Variants in ZNF665 observed in about 807,000 individuals in gnomAD.
The protein encoded by ZNF665 is zinc finger protein 665.
A neutral mutation model predicts 7.9 loss-of-function variants in ZNF665; 6 were observed. The observed-to-expected ratio is 0.76, with a 90% CI of 0.42 to 1.50. The LOEUF (loss-of-function observed/expected upper bound fraction) is 1.50. Ranked by LOEUF, ZNF665 falls within the 40% of genes most tolerant of loss-of-function variation. ZNF665 has a pLI of 0.01. For missense variants in ZNF665, 819 were observed against 806.7 expected, an observed-to-expected ratio of 1.02 and a Z score of -0.18; for synonymous variants, 242 against 274.5, an observed-to-expected ratio of 0.88 and a Z score of 1.17.
intron 1 of ZNF665, among the ~76,000 whole-genome samples, chr19:53,192,133 ACT>A (rs1469807282): frequency 6.6e-6 from 1 of 151,132 alleles, no homozygotes; most frequent in Non-Finnish European, 1.5e-5. Flanking sequence ...CATTCTTGCA[ACT>A]TGTTTCACCT....
intron 3 of ZNF665, among the ~76,000 whole-genome samples, chr19:53,172,703 T>TAG (rs2090667409): frequency 6.6e-6 from 1 of 151,708 alleles, no homozygotes; most frequent in Non-Finnish European, 1.5e-5. Flanking sequence ...TGCACGCCTG[T>TAG]AGTCCCAGCT....
intron 1 of ZNF665, among the ~76,000 whole-genome samples, chr19:53,189,059 G>GTGTC (rs776863114): frequency 5.1e-4 from 76 of 150,446 alleles, no homozygotes; most frequent in East Asian, 3.1e-3. Flanking sequence ...TTCTGTGTGT[G>GTGTC]TGTGTGTGTG....
intron 3 of ZNF665, among the ~76,000 whole-genome samples, chr19:53,170,917 A>C (rs2090652275): frequency 6.6e-6 from 1 of 152,154 alleles, no homozygotes; most frequent in African/African-American, 2.4e-5. Flanking sequence ...ATAAACATAT[A>C]ATGTCGATTA....
chr19:53,179,491 A>AGGCT (rs1415610733), intron 2 of ZNF665: 11 of 147,434 alleles, frequency 7.5e-5, no homozygotes, highest in Non-Finnish European at 1.5e-4. Context: ...TTTGTCACCC[A>AGGCT]GGCTGGAGTG....
chr19:53,183,550 G>A (rs1196084687), intron 1 of ZNF665, among the ~76,000 whole-genome samples: 2 of 151,730 alleles, frequency 1.3e-5, no homozygotes, highest in Non-Finnish European at 2.9e-5. Context: ...TTCCCTGGGG[G>A]CCTTGTCATC....
Position 53,162,844 on chromosome 19 carries a change from C to T in ZNF665, c.*1609G>A, listed in dbSNP as rs1199076221. 1 of 123,094 alleles carries T rather than the reference C, an allele frequency of 8.1e-6. No homozygotes were observed. The highest frequency in any genetic ancestry group is 1.8e-5 in the Non-Finnish European group (1 of 56,100). 7.6% of individuals were successfully genotyped at this position (123,094 alleles called of 1,614,324 possible). ...CTCCAGCCTGGGCAACAGAACAAGA[C>T]TCCATCTCAAAAAAAAAAAAAAAAA... On this transcript the variant is annotated 3_prime_UTR_variant, in exon 4 of 4. Coordinates refer to ENST00000396424, the MANE Select transcript of ZNF665 (RefSeq NM_024733.5).
In ZNF665 at chr19:53,175,477, ATGACGTCCC is replaced by A. The variant is rs1568660701; in HGVS notation, c.101_109del (p.Arg34_Val36del). The A allele has an allele frequency of 6.2e-7, 1 of 1,612,476 alleles. No homozygotes were observed. The highest frequency in any genetic ancestry group is 1.7e-5 in the Admixed American group (1 of 59,538). ...GACCAGGTTCCTATAATTCTCCAAC[ATGACGTCCC>A]TGTACAAAGTCTTCTGAGCAGGGTC... On this transcript the variant is annotated inframe_deletion, in exon 3 of 4. Coordinates refer to ENST00000396424, the MANE Select transcript of ZNF665 (RefSeq NM_024733.5).
chr19:53,185,427 T>C (rs944135107), intron 1 of ZNF665, among the ~76,000 whole-genome samples: 9 of 152,110 alleles, frequency 5.9e-5, no homozygotes, highest in Non-Finnish European at 1.2e-4. Context: ...TGGCTTTTCC[T>C]AGGCTATGAT....
chr19:53,167,508 G>A (rs78705505), intron 3 of ZNF665, among the ~76,000 whole-genome samples: 75,751 of 148,528 alleles, frequency 0.51, 21,991 homozygotes, highest in South Asian at 0.71. Context: ...AGGCAGTGGC[G>A]CGATCTCGGC....
intron 1 of ZNF665, among the ~76,000 whole-genome samples, chr19:53,188,958 A>G (rs538147029): frequency 6.6e-6 from 1 of 152,100 alleles, no homozygotes; most frequent in African/African-American, 2.4e-5. Flanking sequence ...TCAGCCTCCC[A>G]AAGTGCTGGG....
At chr19:53,175,594 C>A in intron 2 of ZNF665, 23 bp from the exon 3 acceptor site, 1 of 1,580,560 alleles carries the variant, frequency 6.3e-7, no homozygotes, top group African/African-American at 1.4e-5. Flanking sequence ...ACACATTTCA[C>A]CAAGTGACTA....
At chr19:53,169,192 A>C (rs769579604) in intron 3 of ZNF665, among the ~76,000 whole-genome samples, 12 of 152,172 alleles carry the variant, frequency 7.9e-5, no homozygotes, top group Non-Finnish European at 1.6e-4. Flanking sequence ...TGGAATATAC[A>C]AAGAACTCTC....
chr19:53,171,978 T>G (rs1351149136), intron 3 of ZNF665, among the ~76,000 whole-genome samples: 2 of 152,070 alleles, frequency 1.3e-5, no homozygotes, highest in African/African-American at 2.4e-5. Context: ...GGTCTCGAAC[T>G]CCTGACCTCA....
intron 3 of ZNF665, among the ~76,000 whole-genome samples, chr19:53,171,185 C>T (rs1281838471): frequency 1.3e-5 from 2 of 151,846 alleles, no homozygotes; most frequent in East Asian, 3.9e-4. Flanking sequence ...GGGGTTTCAC[C>T]ATGTTGGCCA....
rs2090690764 is a variant in ZNF665, at chr19:53,175,518, T to C, written c.69A>G (p.Thr23=). 6.2e-6 allele frequency: 10 copies of C among 1,611,992 alleles called. No individual in the cohort carries two copies. In the African/African-American group the frequency reaches 1.1e-4, roughly 17 times the overall value. Residue 23 remains threonine, a synonymous_variant, in exon 3 of 4, where the codon ACA becomes ACG. Transcript: ENST00000396424. Reference sequence around the variant, plus strand: ...AAGTCTTCTGAGCAGGGTCCAGGCATGTCCACTCCTCCTGAGAGAATTCTA... The same window carrying C: ...AAGTCTTCTGAGCAGGGTCCAGGCACGTCCACTCCTCCTGAGAGAATTCTA... The part of the protein sequence containing the change: ...VAIEFSQEEW[T]CLDPAQKTLY...
At position 53,177,914 on chromosome 19, in the gene ZNF665, C is replaced by T. The variant is rs561757491; in HGVS notation, c.16-2343G>A. Among the ~76,000 whole-genome samples, 4 of 152,268 alleles carry T rather than the reference C, an allele frequency of 2.6e-5. No individual in the cohort carries two copies. The South Asian group carries it at 8.3e-4, about 32-fold the overall frequency. ...ACACACTGAGAAACCTGTCTCAGGT[C>T]AAAGGACTAAAAATGACAGAGCAAG... is the stretch of plus-strand genomic sequence containing the variant. On this transcript the variant is annotated intron_variant, in intron 2 of 3. Transcript: ENST00000396424.
At chr19:53,183,038 T>C (rs2090750224) in intron 1 of ZNF665, 95 bp from the exon 2 acceptor site, 1 of 1,319,476 alleles carries the variant, frequency 7.6e-7, no homozygotes. Context: ...CCCTGGGCCA[T>C]AACCTTATAC....
At chr19:53,170,182 C>G (rs906790665) in intron 3 of ZNF665, among the ~76,000 whole-genome samples, 16 of 151,556 alleles carry the variant, frequency 1.1e-4, no homozygotes, top group Non-Finnish European at 1.9e-4. Context: ...TCTCCACATC[C>G]TCTCCAGCAC....
chr19:53,174,153 T>G lies in ZNF665; in HGVS notation c.142+1292A>C, dbSNP rs144781055. On this transcript the variant is annotated intron_variant, in intron 3 of 3. Transcript: ENST00000396424. Reference sequence around the variant, plus strand: ...AGAGGCACTTGCCAAAACTATGGAGTCCTCACATCTGTCTCTGTGGACAGA... The same window carrying G: ...AGAGGCACTTGCCAAAACTATGGAGGCCTCACATCTGTCTCTGTGGACAGA... Among the ~76,000 whole-genome samples the G allele has an allele frequency of 2.3e-4, 35 of 151,802 alleles. 1 individual carries two copies. In the East Asian group the frequency reaches 5.0e-3, roughly 22 times the overall value.
Sources: allele counts gnomAD v4.1 joint callset (sites outside exome capture counted in the v4.1 genomes callset), GRCh38; gene constraint gnomAD v4.1.1; transcripts MANE v1.5; gene names NCBI Gene and HGNC (gene_info 2026-07-23, HGNC 2026-07-21).